Variants in OMA1 observed in about 807,000 individuals in gnomAD.
OMA1 encodes metalloendopeptidase OMA1, mitochondrial.
A neutral mutation model predicts 30.9 loss-of-function variants in OMA1; 38 were observed. The observed-to-expected ratio is 1.23, with a 90% confidence interval of 0.95 to 1.61. OMA1 has a LOEUF of 1.61. Among genes scored for constraint, OMA1 ranks in the 40% most tolerant of loss-of-function variants. The pLI, the probability that OMA1 is intolerant of heterozygous loss-of-function variation, is 0.00. For synonymous variants in OMA1, 173 were observed against 121.9 expected (o/e 1.42, Z -2.76); for missense variants, 461 against 349.2 (o/e 1.32, Z -2.55).
At chr1:58,539,974 C>G (rs528700109) in intron 1 of OMA1, among the ~76,000 whole-genome samples, 1 of 152,152 alleles carries the variant, frequency 6.6e-6, no homozygotes, top group Non-Finnish European at 1.5e-5. Context: ...GAATCCCCCT[C>G]CCATATTCAG....
chr1:58,514,598 T>C (rs996648240), intron 7 of OMA1, among the ~76,000 whole-genome samples: 1 of 152,176 alleles, frequency 6.6e-6, no homozygotes, highest in Non-Finnish European at 1.5e-5. Context: ...CCAGTCATTG[T>C]AGCATCCTCT....
intron 5 of OMA1, among the ~76,000 whole-genome samples, chr1:58,532,339 A>G (rs990519359): frequency 3.9e-5 from 6 of 152,162 alleles, no homozygotes; most frequent in South Asian, 2.1e-4. Context: ...ATGACAATAC[A>G]CTGAATATAA....
intron 8 of OMA1, among the ~76,000 whole-genome samples, chr1:58,496,014 C>T (rs888712412): frequency 6.6e-6 from 1 of 152,064 alleles, no homozygotes; most frequent in Non-Finnish European, 1.5e-5. Flanking sequence ...TGGGAATCTC[C>T]TAAAAACCCA....
Position 58,516,153 on chromosome 1 carries a change from A to C in OMA1, c.1216-9944T>G, listed in dbSNP as rs547399946. 2.0e-5 allele frequency among the ~76,000 whole-genome samples: 3 copies of C among 152,274 alleles called. No homozygotes were observed. In the South Asian group the frequency reaches 6.2e-4, roughly 32 times the overall value. On this transcript the variant is annotated intron_variant, in intron 7 of 8. Transcript: ENST00000371226. Reference sequence around the variant, plus strand: ...CCCCTTTTCCCTCACATTAAACATCAATAATTCCCCCCACTTCCCCAATAA... The same window carrying C: ...CCCCTTTTCCCTCACATTAAACATCCATAATTCCCCCCACTTCCCCAATAA...
chr1:58,487,696 G>C (rs1645599480), intron 8 of OMA1, among the ~76,000 whole-genome samples: 1 of 151,798 alleles, frequency 6.6e-6, no homozygotes, highest in Non-Finnish European at 1.5e-5. Context: ...AAGTAATTTA[G>C]TAATTTGTAA....
In OMA1 at chr1:58,523,858, C is replaced by T. The variant is rs576644727; in HGVS notation, c.1215+3403G>A. Among the ~76,000 whole-genome samples, 5 of 152,226 alleles carry T rather than the reference C, an allele frequency of 3.3e-5. No individual in the cohort carries two copies. In the South Asian group the frequency reaches 1.0e-3, roughly 32 times the overall value. ...AGCTTGCAGTGAGCCGAGATCACAC[C>T]ACTGCACTCCAGCCTGGGTGACAGA... On this transcript the variant is annotated intron_variant, in intron 7 of 8. Transcript: ENST00000371226.
rs766916436 is a variant in OMA1, at chr1:58,481,155, ATCTC to A, written c.1381_1384del (p.Glu461CysfsTer32). On this transcript the variant is annotated frameshift_variant, in exon 9 of 9. Coordinates refer to ENST00000371226, the MANE Select transcript of OMA1 (RefSeq NM_145243.5). LOFTEE classifies it high-confidence loss of function. ...ATTAGACAGTGGTGGACAATTACAC[ATCTC>A]TCTAATTTTGAGAGCCTATAAAGAA... 3.5e-6 allele frequency: 3 copies of A among 850,022 alleles called. No homozygotes were observed. The highest frequency in any genetic ancestry group is 1.6e-5 in the African/African-American group (1 of 60,882). The allele number at this position is 850,022 out of a possible 1,614,324, so 52.7% of individuals were successfully genotyped here. A position where few individuals can be genotyped will look rare whatever the true frequency, so the allele number is the denominator to read the frequency against.
intron 7 of OMA1, among the ~76,000 whole-genome samples, chr1:58,522,534 T>G (rs1400679709): frequency 6.6e-6 from 1 of 152,174 alleles, no homozygotes; most frequent in African/African-American, 2.4e-5. Context: ...TCACCAACTT[T>G]GTACTAAAGT....
intron 3 of OMA1, among the ~76,000 whole-genome samples, chr1:58,536,195 G>A (rs1305297127): frequency 3.3e-5 from 5 of 152,112 alleles, no homozygotes; most frequent in Admixed American, 1.3e-4. Context: ...TAATTCAGTC[G>A]GTATGAAGGA....
At chr1:58,530,867 T>C (rs981942500) in intron 5 of OMA1, 138 bp from the exon 6 acceptor site, 1 of 590,342 alleles carries the variant, frequency 1.7e-6, no homozygotes, top group Non-Finnish European at 3.0e-6. Context: ...TTCTTTTGCT[T>C]ATTCTTTCCG....
At chr1:58,518,845 G>C (rs777882523) in intron 7 of OMA1, among the ~76,000 whole-genome samples, 1 of 152,098 alleles carries the variant, frequency 6.6e-6, no homozygotes, top group Non-Finnish European at 1.5e-5. Flanking sequence ...TAAAAGACAC[G>C]AGCTCTAAGA....
chr1:58,505,109 C>T (rs1053917480), intron 8 of OMA1, among the ~76,000 whole-genome samples: 25 of 152,148 alleles, frequency 1.6e-4, no homozygotes, highest in African/African-American at 4.8e-4. Flanking sequence ...CATGCCACCA[C>T]GCCCGCCTAA....
chr1:58,526,511 TAAA>T (rs1461290582), intron 7 of OMA1, among the ~76,000 whole-genome samples: 1 of 148,224 alleles, frequency 6.7e-6, no homozygotes, highest in African/African-American at 2.5e-5. Flanking sequence ...CACAGGTGAT[TAAA>T]AATAGCTGCC....
chr1:58,511,014 T>C (rs1340643890), intron 7 of OMA1, among the ~76,000 whole-genome samples: 7 of 152,178 alleles, frequency 4.6e-5, no homozygotes, highest in Admixed American at 6.5e-5. Context: ...TGTTCATGGA[T>C]TGTAAGACTT....
chr1:58,534,555 T>C (rs1220114865), intron 3 of OMA1, among the ~76,000 whole-genome samples: 1 of 152,258 alleles, frequency 6.6e-6, no homozygotes, highest in Non-Finnish European at 1.5e-5. Flanking sequence ...TTTTTATGAA[T>C]AGATTGACAT....
At chr1:58,540,626 G>C (rs1417519938) in intron 1 of OMA1, among the ~76,000 whole-genome samples, 1 of 149,378 alleles carries the variant, frequency 6.7e-6, no homozygotes, top group Non-Finnish European at 1.5e-5. Context: ...ACTAACAGCA[G>C]ATTAACATTG....
chr1:58,482,142 C>T (rs1342245676), intron 8 of OMA1, among the ~76,000 whole-genome samples: 2 of 152,152 alleles, frequency 1.3e-5, no homozygotes, highest in Non-Finnish European at 2.9e-5. Context: ...CCAAAAAGTA[C>T]AATTTCATCA....
At chr1:58,498,330 T>C (rs1645840231) in intron 8 of OMA1, among the ~76,000 whole-genome samples, 1 of 152,126 alleles carries the variant, frequency 6.6e-6, no homozygotes, top group African/African-American at 2.4e-5. Context: ...TTACAACTGT[T>C]TTTAGTTCTA....
intron 8 of OMA1, among the ~76,000 whole-genome samples, chr1:58,486,498 C>G (rs1557436380): frequency 6.6e-6 from 1 of 152,160 alleles, no homozygotes; most frequent in South Asian, 2.1e-4. Context: ...TTTTCACCCA[C>G]TATTATATTG....
Sources: gnomAD v4.1 joint callset for allele counts (sites outside exome capture counted in the v4.1 genomes callset) on GRCh38, gnomAD v4.1.1 for gene constraint, MANE v1.5 for transcripts, NCBI Gene and HGNC (gene_info 2026-07-23, HGNC 2026-07-21) for gene names.